NAV2: variants seen among roughly 807,000 people sequenced by gnomAD.
NAV2 encodes the protein helicase, APC down-regulated 1.
NAV2 carries 54 observed loss-of-function variants against 223.2 expected under a neutral mutation model. That is an observed-to-expected ratio of 0.24 (90% CI 0.19 to 0.30). The LOEUF (loss-of-function observed/expected upper bound fraction) is 0.30. NAV2 is among the 10% of genes least tolerant of loss of function. NAV2 has a pLI of 1.00. For missense variants in NAV2, 2,806 were observed against 3,147.5 expected (o/e 0.89, Z 2.60); for synonymous variants, 1,279 against 1,239.3 (o/e 1.03, Z -0.67).
At chr11:19,880,674 G>A (rs1038749921) in intron 5 of NAV2, among the ~76,000 whole-genome samples, 1 of 152,152 alleles carries the variant, frequency 6.6e-6, no homozygotes, top group Non-Finnish European at 1.5e-5. Context: ...ACTGAGATGG[G>A]GAGAGTCCCA....
chr11:20,043,795 T>A, intron 12 of NAV2, 186 bp from the exon 13 acceptor site: 1 of 576,128 alleles, frequency 1.7e-6, no homozygotes, highest in Non-Finnish European at 3.0e-6. Flanking sequence ...TTTTTTATTT[T>A]TTTTTCCAAA....
chr11:20,018,549 T>C (rs1434589029), intron 11 of NAV2, among the ~76,000 whole-genome samples: 2 of 152,022 alleles, frequency 1.3e-5, no homozygotes, highest in African/African-American at 4.8e-5. Flanking sequence ...AATAAAACCA[T>C]TGAACTAAAG....
At chr11:19,810,061 A>G (rs1391229371) in intron 1 of NAV2, among the ~76,000 whole-genome samples, 1 of 152,222 alleles carries the variant, frequency 6.6e-6, no homozygotes, top group Non-Finnish European at 1.5e-5. Context: ...CAGAACATCT[A>G]CATACTTTAT....
intron 19 of NAV2, among the ~76,000 whole-genome samples, chr11:20,058,946 T>C (rs1039295375): frequency 1.3e-5 from 2 of 152,196 alleles, no homozygotes; most frequent in Non-Finnish European, 2.9e-5. Context: ...ATCATCCTCA[T>C]TTTTTTAATG....
chr11:19,861,393 C>G (rs1443252006), intron 3 of NAV2, among the ~76,000 whole-genome samples: 1 of 151,500 alleles, frequency 6.6e-6, no homozygotes, highest in Non-Finnish European at 1.5e-5. Flanking sequence ...AGGGGCCAAC[C>G]CAAGACACAG....
chr11:19,702,306 T>C (rs1184726953), intron 1 of NAV2, among the ~76,000 whole-genome samples: 1 of 152,216 alleles, frequency 6.6e-6, no homozygotes, highest in African/African-American at 2.4e-5. Context: ...ACAGATAACC[T>C]CCCTTTAACT....
rs2060584824 is a variant in NAV2, at chr11:19,842,881, G to T, written c.396G>T (p.Lys132Asn). The change falls in exon 3 of 38, where the codon AAG becomes AAT. Residue 132 changes from lysine to asparagine, a missense_variant. By Grantham distance (94) the Lys-to-Asn change is moderately conservative. This residue lies in a region of NAV2 where 1,167 missense variants were observed against 1,180.5 expected (regional missense o/e 0.99). Coordinates refer to ENST00000349880, the MANE Select transcript of NAV2 (RefSeq NM_145117.5). ...AQIIQVVANE[K>N]IEDINGCPKN... ...TGTTTCCTTTTTCAGCAAATGAAAA[G>T]ATTGAAGACATCAATGGCTGTCCGA... 2 of 1,613,856 alleles carry T rather than the reference G, an allele frequency of 1.2e-6. No individual in the cohort carries two copies. The highest frequency in any genetic ancestry group is 8.5e-7 in the Non-Finnish European group (1 of 1,179,922).
intron 24 of NAV2, among the ~76,000 whole-genome samples, chr11:20,078,937 A>G (rs931025551): frequency 1.3e-5 from 2 of 152,234 alleles, no homozygotes; most frequent in South Asian, 4.1e-4. Context: ...AAGTGTTTCA[A>G]TGATTTCATT....
rs1280757351 is a variant in NAV2, at chr11:20,045,271, G to T, written c.3503G>T (p.Ser1168Ile). The change falls in exon 14 of 38, where the codon AGT (serine) becomes ATT (isoleucine). Residue 1168 changes from serine to isoleucine, a missense_variant. Transcript: ENST00000349880. ...LVSRSAGRKS[S>I]MDGAQNQDDG... ...AGTCGGTCTGCTGGTCGGAAGTCAA[G>T]TATGGATGGGGCTCAGAATCAGGAT... 6.2e-7 allele frequency: 1 copy of T among 1,614,222 alleles called. No homozygotes were observed. The highest frequency in any genetic ancestry group is 1.7e-5 in the Admixed American group (1 of 60,034).
chr11:20,100,818 A>T, intron 31 of NAV2, 119 bp from the exon 32 acceptor site: 1 of 770,250 alleles, frequency 1.3e-6, no homozygotes, highest in Non-Finnish European at 2.2e-6. Flanking sequence ...CAGGAGTCTC[A>T]GGTGAGTGGA....
chr11:20,049,880 C>T lies in NAV2; in HGVS notation c.4415C>T (p.Thr1472Ile). 1 of 1,614,178 alleles carries T rather than the reference C, an allele frequency of 6.2e-7. No homozygotes were observed. The change falls in exon 16 of 38, where the codon ACT (threonine) becomes ATT (isoleucine). Residue 1472 changes from threonine (T) to isoleucine (I), a missense_variant. This residue lies in a region of NAV2 where 742 missense variants were observed against 777.9 expected (regional missense o/e 0.95). Transcript: ENST00000349880. ...PAASPKFCRS[T>I]LPRKQDSDPH... ...GCTAGCCCTAAGTTCTGCAGAAGTA[C>T]TCTGCCCAGGAAACAGGACAGGTAA...
chr11:19,611,093 T>C (rs2046629030), intron 1 of NAV2, among the ~76,000 whole-genome samples: 1 of 152,172 alleles, frequency 6.6e-6, no homozygotes, highest in East Asian at 1.9e-4. Flanking sequence ...GAAATGTGCT[T>C]CTTACATGGT....
chr11:19,820,113 C>T (rs1343101963), intron 1 of NAV2, among the ~76,000 whole-genome samples: 9 of 152,200 alleles, frequency 5.9e-5, no homozygotes, highest in Admixed American at 3.3e-4. Flanking sequence ...ATGGAGGCTA[C>T]GACTTAAAAG....
At chr11:19,732,466 T>A (rs1187542426) in intron 1 of NAV2, among the ~76,000 whole-genome samples, 1 of 152,202 alleles carries the variant, frequency 6.6e-6, no homozygotes, top group East Asian at 1.9e-4. Context: ...ACATAGCAAG[T>A]GCCCAGAAGT....
At chr11:19,909,315 C>T (rs2043124407) in intron 6 of NAV2, among the ~76,000 whole-genome samples, 1 of 152,116 alleles carries the variant, frequency 6.6e-6, no homozygotes, top group Admixed American at 6.5e-5. Context: ...GTGCCCCATT[C>T]CAGGAGTACC....
At chr11:19,943,908 C>T (rs1014074006) in intron 8 of NAV2, among the ~76,000 whole-genome samples, 2 of 151,154 alleles carry the variant, frequency 1.3e-5, no homozygotes, top group South Asian at 2.1e-4. Context: ...CTAAAAGAAA[C>T]GGAACTAGGC....
intron 11 of NAV2, among the ~76,000 whole-genome samples, chr11:19,986,563 T>C (rs2050815552): frequency 6.6e-6 from 1 of 152,170 alleles, no homozygotes; most frequent in African/African-American, 2.4e-5. Context: ...GAGGTTGCAA[T>C]GAGCCGAGAT....
At chr11:19,735,831 G>A (rs1426299073) in intron 1 of NAV2, among the ~76,000 whole-genome samples, 1 of 152,108 alleles carries the variant, frequency 6.6e-6, no homozygotes, top group Non-Finnish European at 1.5e-5. Context: ...TTTTCCCCGT[G>A]GTAAAAATAA....
At chr11:19,537,555 C>T (rs538566921) in intron 1 of NAV2, among the ~76,000 whole-genome samples, 3 of 152,232 alleles carry the variant, frequency 2.0e-5, no homozygotes, top group Non-Finnish European at 4.4e-5. Context: ...GCAGTGGAAG[C>T]TGACAGTCAG....
Sources: allele counts gnomAD v4.1 joint callset (sites outside exome capture counted in the v4.1 genomes callset), GRCh38; gene constraint gnomAD v4.1.1; regional missense constraint gnomAD v4.1.1; transcripts MANE v1.5; gene names NCBI Gene and HGNC (gene_info 2026-07-23, HGNC 2026-07-21).